ZNF516: variants seen among roughly 807,000 people sequenced by gnomAD.
The protein encoded by ZNF516 is zinc finger protein 516.
In ZNF516, 19 loss-of-function variants were observed where a neutral mutation model predicts 79.7. The observed-to-expected ratio is 0.24, with a 90% confidence interval of 0.17 to 0.35. ZNF516 has a LOEUF of 0.35. ZNF516 is among the 10% of genes least tolerant of loss of function. The pLI, the probability that ZNF516 is intolerant of heterozygous loss-of-function variation, is 1.00. For synonymous variants in ZNF516, 877 were observed against 739.5 expected, an observed-to-expected ratio of 1.19 and a Z score of -3.02; for missense variants, 1,678 against 1,679.5, an observed-to-expected ratio of 1.00 and a Z score of 0.02.
chr18:76,366,632 G>GT (rs1266932208), intron 6 of ZNF516, among the ~76,000 whole-genome samples: 6 of 152,202 alleles, frequency 3.9e-5, no homozygotes, highest in Admixed American at 1.3e-4. Context: ...CTACACGGGC[G>GT]TAAGTATGTG....
Position 76,442,941 on chromosome 18 carries a change from G to T in ZNF516, c.114C>A (p.Ile38=). ...TCTGGAAGGGGAAGCTCTTGCCGCA[G>T]ATGCAGCAGGTGTGGCAGGTAGCCT... ...GDKATCHTCC[I]CGKSFPFQSS... is the part of the protein sequence containing the mutation. The change falls in exon 3 of 7, where the codon ATC becomes ATA. Residue 38 remains isoleucine (I), a synonymous_variant. Coordinates refer to ENST00000443185, the MANE Select transcript of ZNF516 (RefSeq NM_014643.4). The T allele has an allele frequency of 6.2e-7, 1 of 1,610,976 alleles. No individual in the cohort carries two copies. Among genetic ancestry groups the T allele is most frequent in the Non-Finnish European group, 8.5e-7 (1 of 1,179,786 alleles).
intron 3 of ZNF516, among the ~76,000 whole-genome samples, chr18:76,382,110 C>T (rs1266002590): frequency 6.6e-6 from 1 of 151,944 alleles, no homozygotes; most frequent in Non-Finnish European, 1.5e-5. Context: ...CCAGCCTGGG[C>T]AACAGAGCAA....
At chr18:76,373,569 T>C (rs1046932339) in intron 4 of ZNF516, among the ~76,000 whole-genome samples, 5 of 152,234 alleles carry the variant, frequency 3.3e-5, no homozygotes, top group African/African-American at 1.2e-4. Flanking sequence ...GTGTCTAACA[T>C]TCACAACTTT....
At chr18:76,433,332 C>G (rs1033639653) in intron 3 of ZNF516, among the ~76,000 whole-genome samples, 5 of 152,218 alleles carry the variant, frequency 3.3e-5, no homozygotes, top group Non-Finnish European at 7.3e-5. Flanking sequence ...AGCCACTGTT[C>G]TCAGCGTGAG....
At chr18:76,363,269 C>A (rs1298748541) in intron 6 of ZNF516, among the ~76,000 whole-genome samples, 2 of 152,180 alleles carry the variant, frequency 1.3e-5, no homozygotes, top group African/African-American at 2.4e-5. Flanking sequence ...ACTGCATTAA[C>A]CTTCAGCTAA....
intron 3 of ZNF516, 96 bp from the exon 4 acceptor site, chr18:76,380,399 CT>C (rs2074872311): frequency 6.8e-7 from 1 of 1,476,748 alleles, no homozygotes; most frequent in African/African-American, 1.4e-5. Flanking sequence ...TCCAAGCCAT[CT>C]GTCTTCAGCG....
At chr18:76,495,529 G>A (rs974495448), upstream of ZNF516, 3 of 208,354 alleles carry the variant, frequency 1.4e-5, no homozygotes, top group Middle Eastern at 2.0e-3. Context: ...GCCACACTGA[G>A]GGGACAGTCT....
Position 76,410,109 on chromosome 18 carries a change from C to T in ZNF516, c.1811-29806G>A, listed in dbSNP as rs141846512. 4.3e-3 allele frequency among the ~76,000 whole-genome samples: 657 copies of T among 152,266 alleles called. 4 individuals carry two copies. Among genetic ancestry groups the T allele is most frequent in the African/African-American group, 0.015 (619 of 41,532 alleles). On this transcript the variant is annotated intron_variant, in intron 3 of 6. Coordinates refer to ENST00000443185, the MANE Select transcript of ZNF516 (RefSeq NM_014643.4). ...CATGGGGAGCTATGAGTCCACTAAGCCTCTTTCCTTTATAAATCACCCAGT... is the reference window on the plus strand; with the variant it reads ...CATGGGGAGCTATGAGTCCACTAAGTCTCTTTCCTTTATAAATCACCCAGT...
At position 76,363,030 on chromosome 18, in the gene ZNF516, A is replaced by C. The variant is rs190070502; in HGVS notation, c.3433-473T>G. The stretch of plus-strand genomic sequence containing the variant: ...AAACAAAAAGAAGAGCACGGCTCTC[A>C]CGTAGGTCTGTCAGAACTTCAGAGC... On this transcript the variant is annotated intron_variant, in intron 6 of 6. Coordinates refer to ENST00000443185, the MANE Select transcript of ZNF516 (RefSeq NM_014643.4). Among the ~76,000 whole-genome samples the C allele has an allele frequency of 4.0e-3, 610 of 152,344 alleles. 8 individuals are homozygous for C. Among genetic ancestry groups the C allele is most frequent in the Non-Finnish European group, 5.3e-3 (360 of 68,028 alleles).
At chr18:76,475,928 C>G (rs1914148418) in intron 1 of ZNF516, among the ~76,000 whole-genome samples, 1 of 152,214 alleles carries the variant, frequency 6.6e-6, no homozygotes, top group South Asian at 2.1e-4. Flanking sequence ...AATACAGTGA[C>G]TGGCATAGAG....
chr18:76,391,041 G>A (rs62110872), intron 3 of ZNF516, among the ~76,000 whole-genome samples: 7 of 151,940 alleles, frequency 4.6e-5, no homozygotes, highest in Non-Finnish European at 8.8e-5. Context: ...GGAGGGCCAC[G>A]AGGGAAGGAA....
In ZNF516 at chr18:76,436,563, G is replaced by C. The variant is rs116415091; in HGVS notation, c.1810+4682C>G. Among the ~76,000 whole-genome samples the C allele has an allele frequency of 7.9e-3, 1,209 of 152,234 alleles. 16 individuals carry two copies. The highest frequency in any genetic ancestry group is 0.028 in the African/African-American group (1,162 of 41,532). On this transcript the variant is annotated intron_variant, in intron 3 of 6. Coordinates refer to ENST00000443185, the MANE Select transcript of ZNF516 (RefSeq NM_014643.4). ...GAGTCCCCGAGAGACTCAGCATCGC[G>C]AGTGGATTCAGCTGCAAGGTCAGTG...
rs1159039217 is a variant in ZNF516, at chr18:76,361,412, C to T, written c.*1086G>A. On this transcript the variant is annotated 3_prime_UTR_variant, in exon 7 of 7. Transcript: ENST00000443185. ...CCCCCACCCAAGGGGCTGGTGATCC[C>T]CACCCTTTATGAACAAAGTCACTCA... 6.6e-6 allele frequency: 1 copy of T among 152,214 alleles called. No homozygotes were observed. The highest frequency in any genetic ancestry group is 1.5e-5 in the Non-Finnish European group (1 of 68,048). 9.4% of individuals were successfully genotyped at this position (152,214 alleles called of 1,614,324 possible). A position where few individuals can be genotyped will look rare whatever the true frequency, so the allele number is the denominator to read the frequency against.
At chr18:76,482,702 A>G (rs1191574849) in intron 1 of ZNF516, among the ~76,000 whole-genome samples, 5 of 152,228 alleles carry the variant, frequency 3.3e-5, no homozygotes, top group African/African-American at 9.6e-5. Flanking sequence ...GTCTGTATCA[A>G]ACGTGTGACC....
Position 76,493,052 on chromosome 18 carries a change from G to A in ZNF516, c.-272+2092C>T. The A allele has an allele frequency of 1.0e-6, 1 of 984,722 alleles. No individual in the cohort carries two copies. The highest frequency in any genetic ancestry group is 1.2e-6 in the Non-Finnish European group (1 of 829,908). The allele number at this position is 984,722 out of a possible 1,614,324, so 61.0% of individuals were successfully genotyped here. ...CCGCTGCGGATTGGCCAGCAGAGCC[G>A]TCACTCACGCCCAGGGGGCAGGGAG... On this transcript the variant is annotated intron_variant, in intron 1 of 6. Coordinates refer to ENST00000443185, the MANE Select transcript of ZNF516 (RefSeq NM_014643.4). This position sits in a 1 kb window ranked among gnomAD's most constrained non-coding sequence, Gnocchi z 5.2.
At position 76,463,095 on chromosome 18, in the gene ZNF516, A is replaced by G. The variant is rs985060398; in HGVS notation, c.-225T>C. On this transcript the variant is annotated 5_prime_UTR_variant, in exon 2 of 7. Coordinates refer to ENST00000443185, the MANE Select transcript of ZNF516 (RefSeq NM_014643.4). ...CAGTTGGATGCTGGTACTCTCAGCTAAAAGTGTTCAGAGAAGGACCGAACT... is the reference window on the plus strand; with the variant it reads ...CAGTTGGATGCTGGTACTCTCAGCTGAAAGTGTTCAGAGAAGGACCGAACT... 2.6e-5 allele frequency: 4 copies of G among 152,350 alleles called. No homozygotes were observed. Among genetic ancestry groups the G allele is most frequent in the Admixed American group, 6.5e-5 (1 of 15,308 alleles). The allele number at this position is 152,350 out of a possible 1,614,324, so 9.4% of individuals were successfully genotyped here. A position where few individuals can be genotyped will look rare whatever the true frequency, so the allele number is the denominator to read the frequency against.
chr18:76,392,173 T>A (rs1464377700), intron 3 of ZNF516, among the ~76,000 whole-genome samples: 1 of 152,134 alleles, frequency 6.6e-6, no homozygotes, highest in Non-Finnish European at 1.5e-5. Context: ...GGGCTCAGGG[T>A]GGCCTTTTCC....
intron 3 of ZNF516, among the ~76,000 whole-genome samples, chr18:76,430,245 A>C (rs1479086603): frequency 1.3e-5 from 2 of 152,246 alleles, no homozygotes; most frequent in Non-Finnish European, 2.9e-5. Flanking sequence ...AATATTTCTT[A>C]AAAATGAAAA....
intron 3 of ZNF516, among the ~76,000 whole-genome samples, chr18:76,424,759 A>ACAC (rs1339505181): frequency 8.1e-6 from 1 of 123,952 alleles, no homozygotes. Flanking sequence ...GCTCCCCCAA[A>ACAC]ACACACGCAG....
Sources: gnomAD v4.1 joint callset for allele counts (sites outside exome capture counted in the v4.1 genomes callset) on GRCh38, gnomAD v4.1.1 for gene constraint, Gnocchi (gnomAD v3.1) non-coding constraint, MANE v1.5 for transcripts, NCBI Gene and HGNC (gene_info 2026-07-23, HGNC 2026-07-21) for gene names.